The following SMG6 variants were observed in gnomAD, a reference collection of about 807,000 sequenced individuals.
SMG6 encodes the protein SMG6 nonsense mediated mRNA decay factor.
Under a neutral mutation model 142.2 loss-of-function variants are expected in SMG6, and 66 were observed. The observed-to-expected ratio is 0.46, with a 90% CI of 0.38 to 0.57. The LOEUF (loss-of-function observed/expected upper bound fraction) is 0.57. Among genes scored for constraint, SMG6 ranks in the 20% least tolerant of loss-of-function variants. The probability of loss-of-function intolerance (pLI) is 0.00; values close to 1 mark genes in which losing one functional copy is unlikely to be tolerated. For missense variants in SMG6, 1,793 were observed against 1,832.0 expected (o/e 0.98, Z 0.39); for synonymous variants, 779 against 702.4 (o/e 1.11, Z -1.72).
intron 8 of SMG6, among the ~76,000 whole-genome samples, chr17:2,276,268 T>C (rs1165072416): frequency 6.6e-6 from 1 of 152,192 alleles, no homozygotes; most frequent in Non-Finnish European, 1.5e-5. Context: ...TGAATCAAGC[T>C]GCACAGGAAT....
chr17:2,084,867 C>G (rs2151434385), intron 14 of SMG6, among the ~76,000 whole-genome samples: 1 of 152,344 alleles, frequency 6.6e-6, no homozygotes, highest in South Asian at 2.1e-4. Context: ...CCCAGACACA[C>G]AGCAGGGCAG....
chr17:2,295,365 C>CA (rs555282969), intron 4 of SMG6, among the ~76,000 whole-genome samples: 43 of 152,234 alleles, frequency 2.8e-4, no homozygotes, highest in South Asian at 1.9e-3. Flanking sequence ...AAACGAAAAA[C>CA]AAAGAACAAA....
intron 8 of SMG6, among the ~76,000 whole-genome samples, chr17:2,263,750 T>TA (rs2074365588): frequency 6.6e-6 from 1 of 151,914 alleles, no homozygotes. Context: ...GAACCTGGAG[T>TA]TTCCCCCTGG....
intron 10 of SMG6, chr17:2,229,372 T>G (rs2073406901): frequency 6.6e-6 from 1 of 152,266 alleles, no homozygotes; most frequent in South Asian, 2.1e-4. Flanking sequence ...CAGGTCACTT[T>G]CTTCATCAGA....
rs1567759231 is a variant in SMG6 at position 2,297,232 on chromosome 17, A to C, written c.2151+11T>G. The C allele has an allele frequency of 1.3e-6, 2 of 1,568,786 alleles. No homozygotes were observed. The highest frequency in any genetic ancestry group is 2.3e-5 in the South Asian group (2 of 86,060). ...AATGAAAATTTAAGATACATAAAGA[A>C]GGTAGCTTACTGTCTTGCGTAATGG... On this transcript the variant is annotated intron_variant, in intron 4 of 18. Transcript: ENST00000263073.
At chr17:2,173,620 C>A (rs1469561326) in intron 12 of SMG6, among the ~76,000 whole-genome samples, 1 of 152,174 alleles carries the variant, frequency 6.6e-6, no homozygotes, top group Non-Finnish European at 1.5e-5. Flanking sequence ...CCCCAGAAAC[C>A]CCCCAGTCCT....
At chr17:2,119,058 A>ATT (rs540988591) in intron 13 of SMG6, among the ~76,000 whole-genome samples, 4 of 130,498 alleles carry the variant, frequency 3.1e-5, no homozygotes, top group Middle Eastern at 4.4e-3. Context: ...CACCTGGCTA[A>ATT]TTTTTTTTTT....
intron 13 of SMG6, among the ~76,000 whole-genome samples, chr17:2,116,051 A>G (rs1168144809): frequency 1.3e-5 from 2 of 152,100 alleles, no homozygotes; most frequent in South Asian, 2.1e-4. Context: ...AACTTTTAAT[A>G]AAAATATATC....
intron 9 of SMG6, chr17:2,237,640 G>A: frequency 2.4e-6 from 2 of 848,566 alleles, no homozygotes; most frequent in Non-Finnish European, 2.8e-6. Context: ...TACAGGAAGA[G>A]GCTGTAACGC....
intron 13 of SMG6, chr17:2,127,403 C>A (rs1210030390): frequency 2.8e-6 from 2 of 703,204 alleles, no homozygotes; most frequent in Non-Finnish European, 2.6e-6. Context: ...CCTTTTCCCC[C>A]CCTCTTTAAA....
At chr17:2,235,089 T>C (rs2073611722) in intron 10 of SMG6, among the ~76,000 whole-genome samples, 1 of 152,206 alleles carries the variant, frequency 6.6e-6, no homozygotes, top group Admixed American at 6.5e-5. Context: ...GGTAGCAGAC[T>C]GTCCCTCCCC....
At chr17:2,120,245 A>T (rs1477817213) in intron 13 of SMG6, among the ~76,000 whole-genome samples, 2 of 152,266 alleles carry the variant, frequency 1.3e-5, no homozygotes, top group Admixed American at 1.3e-4. Context: ...TTATCAAAAG[A>T]TATTAAGAAA....
chr17:2,261,919 TAAA>T (rs2074324687), intron 8 of SMG6, among the ~76,000 whole-genome samples: 9 of 152,272 alleles, frequency 5.9e-5, no homozygotes, highest in Middle Eastern at 3.4e-3. Context: ...TCCAGAAGTC[TAAA>T]GGAAAACCTG....
chr17:2,140,744 G>C (rs1462901371), intron 13 of SMG6, among the ~76,000 whole-genome samples: 1 of 151,238 alleles, frequency 6.6e-6, no homozygotes, highest in Non-Finnish European at 1.5e-5. Flanking sequence ...GCAATATTTA[G>C]AAAGTAGTAT....
At position 2,068,669 on chromosome 17, in the gene SMG6, T is replaced by TA; in HGVS notation, c.3835+108dup. The TA allele has an allele frequency of 8.6e-7, 1 of 1,159,750 alleles. No individual in the cohort carries two copies. Among genetic ancestry groups the TA allele is most frequent in the South Asian group, 1.5e-5 (1 of 65,956 alleles). 71.8% of individuals were successfully genotyped at this position (1,159,750 alleles called of 1,614,324 possible). On this transcript the variant is annotated intron_variant, in intron 16 of 18. Coordinates refer to ENST00000263073, the MANE Select transcript of SMG6 (RefSeq NM_017575.5). This position sits in a 1 kb window ranked among gnomAD's most constrained non-coding sequence, Gnocchi z 6.7. ...CCCTACTCCCCTGCAAATCCCATCT[T>TA]ACACACGCACAGCAGGGCTCTGCCT... is the stretch of plus-strand genomic sequence containing the variant.
chr17:2,156,348 T>C (rs141425669), intron 13 of SMG6, among the ~76,000 whole-genome samples: 67 of 130,902 alleles, frequency 5.1e-4, no homozygotes, highest in African/African-American at 1.9e-3. Context: ...GAGCTGAGAT[T>C]GCACCACTGT....
At chr17:2,286,754 G>C (rs1164086482) in intron 6 of SMG6, among the ~76,000 whole-genome samples, 1 of 151,874 alleles carries the variant, frequency 6.6e-6, no homozygotes, top group African/African-American at 2.4e-5. Flanking sequence ...AGATAAACTG[G>C]ACTTCAGCAA....
In SMG6 at chr17:2,289,653, C is replaced by T. The variant is rs547917657; in HGVS notation, c.2337+2899G>A. On this transcript the variant is annotated intron_variant, in intron 6 of 18. Coordinates refer to ENST00000263073, the MANE Select transcript of SMG6 (RefSeq NM_017575.5). ...TAAAACTGCCAGGTGCGGTGGCTCA[C>T]GCATATAATCCCAGTGTGAGGCTGA... Among the ~76,000 whole-genome samples the T allele has an allele frequency of 4.6e-5, 7 of 152,078 alleles. No homozygotes were observed. The South Asian group carries it at 8.3e-4, about 18-fold the overall frequency.
intron 13 of SMG6, among the ~76,000 whole-genome samples, chr17:2,089,072 C>T (rs2068642994): frequency 6.6e-6 from 1 of 152,118 alleles, no homozygotes; most frequent in Non-Finnish European, 1.5e-5. Flanking sequence ...GGAGGACTTC[C>T]TGGTAGGAGA....
Sources: allele counts gnomAD v4.1 joint callset (sites outside exome capture counted in the v4.1 genomes callset), GRCh38; gene constraint gnomAD v4.1.1; non-coding constraint Gnocchi (gnomAD v3.1); transcripts MANE v1.5; gene names NCBI Gene and HGNC (gene_info 2026-07-23, HGNC 2026-07-21).